The following BAZ2B variants were observed in gnomAD, a reference collection of about 807,000 sequenced individuals.
The protein encoded by BAZ2B is bromodomain adjacent to zinc finger domain 2B, also known as bromodomain adjacent to zinc finger domain protein 2B.
A neutral mutation model predicts 246.0 loss-of-function variants in BAZ2B; 91 were observed. The observed-to-expected ratio is 0.37, with a 90% CI of 0.31 to 0.44. BAZ2B has a LOEUF of 0.44. Ranked by LOEUF, BAZ2B falls within the 20% of genes least tolerant of loss-of-function variation. The pLI is 1.00. For missense variants in BAZ2B, 2,332 were observed against 2,533.7 expected, an observed-to-expected ratio of 0.92 and a Z score of 1.71; for synonymous variants, 855 against 860.0, an observed-to-expected ratio of 0.99 and a Z score of 0.10.
chr2:159,316,912 A>G (rs1365370790), downstream of BAZ2B, among the ~76,000 whole-genome samples: 1 of 151,848 alleles, frequency 6.6e-6, no homozygotes, highest in African/African-American at 2.4e-5. Context: ...GAGGCACAAG[A>G]ATCACTTGAA....
the BAZ2B span, chr2:159,693,731 T>G: frequency 3.3e-5 from 5 of 151,592 alleles, no homozygotes; most frequent in Non-Finnish European, 7.3e-5. Flanking sequence ...TTTTAAGAGA[T>G]GGGGTCTCAT....
At chr2:159,585,917 T>C (rs1486853401) in intron 1 of BAZ2B, among the ~76,000 whole-genome samples, 1 of 152,258 alleles carries the variant, frequency 6.6e-6, no homozygotes, top group Non-Finnish European at 1.5e-5. Flanking sequence ...TCAACTTTAT[T>C]GGCTTAAATA....
chr2:159,382,585 T>C lies in BAZ2B; in HGVS notation c.3979A>G (p.Lys1327Glu). 1 of 1,551,972 alleles carries C rather than the reference T, an allele frequency of 6.4e-7. No individual in the cohort carries two copies. Reference sequence around the variant, plus strand: ...TCATCTTCACAGATATCAGTCTTTTTTCCTTTTTTGTCTTCTTTATCTTCT... The same window carrying C: ...TCATCTTCACAGATATCAGTCTTTTCTCCTTTTTTGTCTTCTTTATCTTCT... ...DEEDKEDKKG[K>E]KTDICEDEDE... Residue 1327 changes from lysine to glutamate, a missense_variant, in exon 25 of 37, where the codon AAA (lysine) becomes GAA (glutamate). Lys to Glu is a moderately conservative substitution (Grantham distance 56, BLOSUM62 1). Around this residue, in one of 9 missense-constraint regions of BAZ2B, gnomAD observed 676 missense variants for 668.6 expected, o/e 1.01. Transcript: ENST00000392783.
chr2:159,463,701 G>C (rs1174693011), intron 3 of BAZ2B: 1 of 109,762 alleles, frequency 9.1e-6, no homozygotes, highest in Non-Finnish European at 2.3e-5. Flanking sequence ...ATTCAGATTG[G>C]GTTTTATTAT....
chr2:159,495,850 C>G, intron 2 of BAZ2B, among the ~76,000 whole-genome samples: 1 of 150,966 alleles, frequency 6.6e-6, no homozygotes, highest in East Asian at 2.0e-4. Flanking sequence ...TCACTGGAAG[C>G]TCTGCCTCCC....
At chr2:159,481,154 T>G (rs1269632996) in intron 2 of BAZ2B, among the ~76,000 whole-genome samples, 1 of 152,092 alleles carries the variant, frequency 6.6e-6, no homozygotes, top group Non-Finnish European at 1.5e-5. Flanking sequence ...TTACAAGGTT[T>G]AGTTTTAAGT....
the BAZ2B span, among the ~76,000 whole-genome samples, chr2:159,685,905 G>A: frequency 6.6e-6 from 1 of 152,188 alleles, no homozygotes. Flanking sequence ...TCCTTTCAGA[G>A]TGGGCTGGAC....
the BAZ2B span, among the ~76,000 whole-genome samples, chr2:159,628,547 C>T: frequency 2.6e-5 from 4 of 152,172 alleles, no homozygotes; most frequent in Admixed American, 2.0e-4. Flanking sequence ...TTTGACAAAC[C>T]TGAGAAAAAG....
At chr2:159,558,342 C>T (rs926664290) in intron 1 of BAZ2B, among the ~76,000 whole-genome samples, 1 of 152,064 alleles carries the variant, frequency 6.6e-6, no homozygotes, top group African/African-American at 2.4e-5. Flanking sequence ...CCGCAACCTC[C>T]ACCTCCCAGG....
At chr2:159,555,067 GGGGT>G (rs990687008) in intron 2 of BAZ2B, among the ~76,000 whole-genome samples, 3 of 88,256 alleles carry the variant, frequency 3.4e-5, no homozygotes, top group African/African-American at 1.5e-4. Context: ...GTGTATGTGG[GGGGT>G]GTGTGTGTGT....
intron 7 of BAZ2B, 21 bp from the exon 8 acceptor site, chr2:159,438,716 G>T (rs1002056663): frequency 1.3e-6 from 2 of 1,552,634 alleles, no homozygotes; most frequent in Non-Finnish European, 1.7e-6. Context: ...AAATGAAAAG[G>T]TAAGTTCCTA....
intron 6 of BAZ2B, among the ~76,000 whole-genome samples, chr2:159,443,857 C>T (rs1559443545): frequency 6.6e-6 from 1 of 152,070 alleles, no homozygotes; most frequent in African/African-American, 2.4e-5. Flanking sequence ...ATGTAGATTC[C>T]TCATTAGAAC....
At chr2:159,675,531 A>G in the BAZ2B span, among the ~76,000 whole-genome samples, 2 of 152,224 alleles carry the variant, frequency 1.3e-5, no homozygotes, top group Non-Finnish European at 2.9e-5. Flanking sequence ...AACCAAAGAA[A>G]GACAATCTGA....
At chr2:159,426,619 G>C (rs895334587) in intron 13 of BAZ2B, among the ~76,000 whole-genome samples, 2 of 151,932 alleles carry the variant, frequency 1.3e-5, no homozygotes, top group African/African-American at 4.8e-5. Flanking sequence ...TGACATTTTA[G>C]AACTACCAAT....
chr2:159,581,632 T>C (rs528094833), intron 1 of BAZ2B, among the ~76,000 whole-genome samples: 6 of 152,268 alleles, frequency 3.9e-5, no homozygotes, highest in African/African-American at 1.2e-4. Context: ...TGTATGTTTA[T>C]TGCAGCACTA....
At chr2:159,389,953 G>A (rs572931313) in intron 20 of BAZ2B, among the ~76,000 whole-genome samples, 1 of 152,260 alleles carries the variant, frequency 6.6e-6, no homozygotes, top group Non-Finnish European at 1.5e-5. Flanking sequence ...TTAAGAGAAT[G>A]TAAAATCAGT....
downstream of BAZ2B, among the ~76,000 whole-genome samples, chr2:159,316,881 G>C (rs1212270141): frequency 6.6e-6 from 1 of 151,592 alleles, no homozygotes; most frequent in Non-Finnish European, 1.5e-5. Context: ...CGTGCTTGTA[G>C]TCCCAACTAC....
At chr2:159,567,105 T>C (rs759607105) in intron 1 of BAZ2B, among the ~76,000 whole-genome samples, 1 of 152,026 alleles carries the variant, frequency 6.6e-6, no homozygotes, top group Non-Finnish European at 1.5e-5. Flanking sequence ...TAGCCAGGCA[T>C]GGTGGTGTGC....
intron 2 of BAZ2B, among the ~76,000 whole-genome samples, chr2:159,502,568 A>C (rs2081958171): frequency 6.6e-6 from 1 of 152,058 alleles, no homozygotes. Flanking sequence ...TGGGAGACTG[A>C]GGCTGCAGTT....
Sources: allele counts gnomAD v4.1 joint callset (sites outside exome capture counted in the v4.1 genomes callset), GRCh38; gene constraint gnomAD v4.1.1; regional missense constraint gnomAD v4.1.1; transcripts MANE v1.5; gene names NCBI Gene and HGNC (gene_info 2026-07-23, HGNC 2026-07-21).